The following RBM26 variants were observed in gnomAD, a reference collection of about 807,000 sequenced individuals.
The protein encoded by RBM26 is RNA-binding protein 26.
RBM26 carries 30 observed loss-of-function variants against 123.6 expected under a neutral mutation model. The ratio of observed to expected loss-of-function variants is 0.24; its 90% CI spans 0.18 to 0.33. The LOEUF (loss-of-function observed/expected upper bound fraction) is 0.33, where lower values mean the gene tolerates loss of function less well. RBM26 is among the 10% of genes least tolerant of loss of function. The pLI is 1.00. For missense variants in RBM26, 947 were observed against 1,203.6 expected, an observed-to-expected ratio of 0.79 and a Z score of 3.15; for synonymous variants, 400 against 404.4, an observed-to-expected ratio of 0.99 and a Z score of 0.13.
chr13:79,383,157 T>C (rs1448563315), intron 1 of RBM26, among the ~76,000 whole-genome samples: 1 of 124,034 alleles, frequency 8.1e-6, no homozygotes, highest in Non-Finnish European at 1.8e-5. Flanking sequence ...TCTCCTTCAT[T>C]AGAATGGTTT....
At chr13:79,394,492 A>G (rs2078385587) in intron 1 of RBM26, among the ~76,000 whole-genome samples, 2 of 152,168 alleles carry the variant, frequency 1.3e-5, no homozygotes, top group African/African-American at 4.8e-5. Context: ...AAGGCTTTCC[A>G]TGAGTATTTC....
At chr13:79,345,152 G>A (rs1166309727) in intron 14 of RBM26, among the ~76,000 whole-genome samples, 2 of 152,060 alleles carry the variant, frequency 1.3e-5, no homozygotes. Context: ...ACACTCAAGA[G>A]CATGGCACAG....
At position 79,320,638 on chromosome 13, in the gene RBM26, G is replaced by A; in HGVS notation, c.3007C>T (p.Arg1003Cys). The stretch of plus-strand genomic sequence containing the variant: ...CAGTCAAATCATCTTCTCCAAGAAC[G>A]AGATTCATTGTCCTCTTCTTCTTCA... ...DDEEEEDNES[R>C]SWRR is the part of the protein sequence containing the mutation. The change falls in exon 22 of 22, where the codon CGT becomes TGT. Residue 1003 changes from arginine to cysteine, a missense_variant. Coordinates refer to ENST00000438737, the MANE Select transcript of RBM26 (RefSeq NM_001366735.2). 2 of 1,596,358 alleles carry A rather than the reference G, an allele frequency of 1.3e-6. No individual in the cohort carries two copies. The highest frequency in any genetic ancestry group is 8.5e-7 in the Non-Finnish European group (1 of 1,172,574).
rs562012032 is a variant in RBM26 at position 79,402,720 on chromosome 13, T to A, written c.71+2984A>T. 5.9e-5 allele frequency among the ~76,000 whole-genome samples: 9 copies of A among 152,298 alleles called. No individual in the cohort carries two copies. In the East Asian group the frequency reaches 1.7e-3, roughly 29 times the overall value. ...TCACAGGTCTCCAATCCCATCCTTT[T>A]GCCCCAGCAAAGTATTCTTCATCCT... On this transcript the variant is annotated intron_variant, in intron 1 of 21. Coordinates refer to ENST00000438737, the MANE Select transcript of RBM26 (RefSeq NM_001366735.2).
chr13:79,353,274 G>C, intron 13 of RBM26, 50 bp from the exon 14 acceptor site: 1 of 1,080,900 alleles, frequency 9.3e-7, no homozygotes, highest in Non-Finnish European at 1.4e-6. Context: ...ACATATAAAA[G>C]TCTGTTGGGA....
intron 2 of RBM26, 76 bp from the exon 3 acceptor site, chr13:79,377,591 CTAA>C: frequency 1.8e-6 from 2 of 1,122,436 alleles, no homozygotes; most frequent in South Asian, 2.8e-5. Context: ...TCTCTTATCT[CTAA>C]TATGATGAAA....
chr13:79,401,820 A>C (rs1437149874), intron 1 of RBM26, among the ~76,000 whole-genome samples: 1 of 152,154 alleles, frequency 6.6e-6, no homozygotes, highest in Admixed American at 6.5e-5. Flanking sequence ...CAGAAGTGAG[A>C]TTTGAATACT....
At chr13:79,359,473 T>C (rs546329523) in intron 10 of RBM26, 102 bp downstream of exon 10, 50 of 615,946 alleles carry the variant, frequency 8.1e-5, no homozygotes, top group Admixed American at 4.0e-4. Flanking sequence ...CAGAACAGAG[T>C]AACATTTTTG....
At chr13:79,335,828 CTA>C (rs2070271029) in intron 19 of RBM26, among the ~76,000 whole-genome samples, 1 of 152,090 alleles carries the variant, frequency 6.6e-6, no homozygotes, top group Admixed American at 6.5e-5. Flanking sequence ...AGCTGTAAAA[CTA>C]TACACAACAT....
intron 16 of RBM26, 117 bp from the exon 17 acceptor site, chr13:79,342,948 C>T (rs749877211): frequency 3.9e-5 from 24 of 612,014 alleles, no homozygotes; most frequent in Non-Finnish European, 6.3e-5. Context: ...TTTATGCATT[C>T]GTGAGAAGGC....
chr13:79,373,631 A>G (rs1205309943), intron 3 of RBM26, among the ~76,000 whole-genome samples: 1 of 86,670 alleles, frequency 1.2e-5, no homozygotes, highest in Non-Finnish European at 2.2e-5. Context: ...ATATATTACT[A>G]TATATATTTA....
At chr13:79,397,501 C>T (rs1385514693) in intron 1 of RBM26, among the ~76,000 whole-genome samples, 1 of 150,306 alleles carries the variant, frequency 6.7e-6, no homozygotes, top group East Asian at 2.0e-4. Flanking sequence ...CGATGAAACC[C>T]TGTCGTCTCT....
chr13:79,401,912 T>C (rs2079081617), intron 1 of RBM26, among the ~76,000 whole-genome samples: 1 of 152,146 alleles, frequency 6.6e-6, no homozygotes, highest in Admixed American at 6.5e-5. Flanking sequence ...ACTAGGCATT[T>C]TGTTCTTTAC....
downstream of RBM26, among the ~76,000 whole-genome samples, chr13:79,315,853 T>C (rs2067094255): frequency 6.6e-6 from 1 of 151,750 alleles, no homozygotes; most frequent in African/African-American, 2.4e-5. Flanking sequence ...TGGAAGATTA[T>C]CTATTGTCAT....
intron 16 of RBM26, 67 bp downstream of exon 16, chr13:79,344,181 C>G: frequency 1.1e-6 from 1 of 949,708 alleles, no homozygotes; most frequent in Non-Finnish European, 1.7e-6. Context: ...GACTAGGTAG[C>G]ATAAGATTAA....
At chr13:79,353,564 C>G (rs187321771) in intron 13 of RBM26, among the ~76,000 whole-genome samples, 89 of 152,160 alleles carry the variant, frequency 5.8e-4, no homozygotes, top group African/African-American at 2.1e-3. Context: ...AAAAATAGTG[C>G]CAACTTCTTC....
chr13:79,366,380 A>C (rs2075269849), intron 7 of RBM26, among the ~76,000 whole-genome samples, 185 bp from the exon 8 acceptor site: 1 of 152,180 alleles, frequency 6.6e-6, no homozygotes. Flanking sequence ...GTTTGCCTTA[A>C]GCTATGAAGG....
intron 1 of RBM26, among the ~76,000 whole-genome samples, chr13:79,403,348 G>A (rs1316897381): frequency 1.3e-5 from 2 of 152,128 alleles, no homozygotes; most frequent in African/African-American, 2.4e-5. Flanking sequence ...CATAATGACT[G>A]CAGTGCTACA....
At chr13:79,316,411 C>G (rs1044073468), downstream of RBM26, among the ~76,000 whole-genome samples, 7 of 3,912 alleles carry the variant, frequency 1.8e-3, no homozygotes, top group Non-Finnish European at 8.8e-3. Context: ...TTTTTGAACC[C>G]TTATAAGCCA....
Sources: gnomAD v4.1 joint callset for allele counts (sites outside exome capture counted in the v4.1 genomes callset) on GRCh38, gnomAD v4.1.1 for gene constraint, MANE v1.5 for transcripts, NCBI Gene and HGNC (gene_info 2026-07-23, HGNC 2026-07-21) for gene names.